ZBTB20: variants seen among roughly 807,000 people sequenced by gnomAD.
ZBTB20 encodes zinc finger and BTB domain containing 20.
A neutral mutation model predicts 56.9 loss-of-function variants in ZBTB20; 9 were observed. The observed-to-expected ratio is 0.16, with a 90% CI of 0.10 to 0.28. ZBTB20 has a LOEUF of 0.28. ZBTB20 is among the 10% of genes least tolerant of loss of function. The pLI, the probability that ZBTB20 is intolerant of heterozygous loss-of-function variation, is 1.00. For missense variants in ZBTB20, 655 were observed against 1,003.0 expected (o/e 0.65, Z 4.69); for synonymous variants, 417 against 420.7 (o/e 0.99, Z 0.11).
Position 114,325,022 on chromosome 3 carries a change from TTTTCTC to T in ZBTB20, c.*13977_*13982del, listed in dbSNP as rs1343664335. On this transcript the variant is annotated 3_prime_UTR_variant, in exon 12 of 12. Coordinates refer to ENST00000675478, the MANE Select transcript of ZBTB20 (RefSeq NM_001348800.3). ...CCTTAAAATATCAAGTTACCATAGA[TTTTCTC>T]TATCATATCAGCTTCTCACCTTTGT... The T allele has an allele frequency of 1.3e-5, 2 of 152,174 alleles. No homozygotes were observed. The highest frequency in any genetic ancestry group is 4.8e-5 in the African/African-American group (2 of 41,450). 9.4% of individuals were successfully genotyped at this position (152,174 alleles called of 1,614,324 possible).
intron 5 of ZBTB20, among the ~76,000 whole-genome samples, chr3:114,781,648 A>G (rs368986943): frequency 6.6e-6 from 1 of 152,178 alleles, no homozygotes; most frequent in Non-Finnish European, 1.5e-5. Flanking sequence ...TGACTCTCAC[A>G]AGATGACATG....
At chr3:114,365,492 T>C (rs537227409) in intron 10 of ZBTB20, among the ~76,000 whole-genome samples, 1 of 152,110 alleles carries the variant, frequency 6.6e-6, no homozygotes, top group Non-Finnish European at 1.5e-5. Flanking sequence ...AAGAGGAGCT[T>C]GGGAACACAG....
At chr3:115,058,750 T>C (rs2081908162) in intron 2 of ZBTB20, among the ~76,000 whole-genome samples, 2 of 152,126 alleles carry the variant, frequency 1.3e-5, no homozygotes. Context: ...CCTTTGATTG[T>C]CCAAGTAATT....
intron 2 of ZBTB20, among the ~76,000 whole-genome samples, chr3:115,066,189 T>C (rs1420773358): frequency 6.6e-6 from 1 of 152,136 alleles, no homozygotes; most frequent in Non-Finnish European, 1.5e-5. Flanking sequence ...ATGAATCTTT[T>C]ATATCTTTCC....
At chr3:115,000,109 G>A (rs1039089777) in intron 2 of ZBTB20, among the ~76,000 whole-genome samples, 1 of 151,336 alleles carries the variant, frequency 6.6e-6, no homozygotes, top group East Asian at 2.0e-4. Flanking sequence ...AGATCCATCT[G>A]GCAATACCAT....
intron 4 of ZBTB20, among the ~76,000 whole-genome samples, chr3:114,852,764 T>A (rs2075065668): frequency 6.6e-6 from 1 of 152,212 alleles, no homozygotes; most frequent in African/African-American, 2.4e-5. Context: ...TCCTTTCTGA[T>A]TAGTTTTCAT....
chr3:114,792,775 C>A (rs993339283), intron 5 of ZBTB20, among the ~76,000 whole-genome samples: 2 of 152,084 alleles, frequency 1.3e-5, no homozygotes, highest in African/African-American at 4.8e-5. Context: ...CCTGGTTTTA[C>A]CAAGGGATTC....
intron 7 of ZBTB20, among the ~76,000 whole-genome samples, chr3:114,477,858 C>T (rs187982294): frequency 4.0e-4 from 59 of 149,030 alleles, no homozygotes; most frequent in African/African-American, 1.4e-3. Context: ...TTTCTTTTCT[C>T]TCTCTCTTCT....
At position 114,329,433 on chromosome 3, in the gene ZBTB20, GA is replaced by G. The variant is rs1235296128; in HGVS notation, c.*9571del. The G allele has an allele frequency of 6.6e-6, 1 of 152,090 alleles. No individual in the cohort carries two copies. The highest frequency in any genetic ancestry group is 2.4e-5 in the African/African-American group (1 of 41,432). 9.4% of individuals were successfully genotyped at this position (152,090 alleles called of 1,614,324 possible). A position where few individuals can be genotyped will look rare whatever the true frequency, so the allele number is the denominator to read the frequency against. ...TTGGGTTGAATAGCTGAGGGAAGCT[GA>G]AGACTCTTATCTGAAAATATGATCT... On this transcript the variant is annotated 3_prime_UTR_variant, in exon 12 of 12. Transcript: ENST00000675478.
At chr3:114,426,573 G>A (rs1040162808) in intron 7 of ZBTB20, among the ~76,000 whole-genome samples, 2 of 152,046 alleles carry the variant, frequency 1.3e-5, no homozygotes, top group South Asian at 2.1e-4. Flanking sequence ...ACAGCAAGTC[G>A]CTTTTGTCTT....
chr3:114,761,911 T>C (rs1261443195), intron 5 of ZBTB20, among the ~76,000 whole-genome samples: 1 of 152,090 alleles, frequency 6.6e-6, no homozygotes, highest in East Asian at 1.9e-4. Context: ...AGAATAGGTG[T>C]AAAATATATG....
At chr3:114,778,494 G>T (rs1483596840) in intron 5 of ZBTB20, among the ~76,000 whole-genome samples, 1 of 151,454 alleles carries the variant, frequency 6.6e-6, no homozygotes, top group Non-Finnish European at 1.5e-5. Context: ...TATTAATAAA[G>T]AACTAAAAAT....
intron 1 of ZBTB20, among the ~76,000 whole-genome samples, chr3:115,145,351 T>C (rs920894637): frequency 2.0e-5 from 3 of 152,240 alleles, no homozygotes; most frequent in African/African-American, 7.2e-5. Context: ...TGACCCTCAG[T>C]ATCCATGGGA....
intron 6 of ZBTB20, among the ~76,000 whole-genome samples, chr3:114,600,693 T>C (rs2056692835): frequency 6.6e-6 from 1 of 151,984 alleles, no homozygotes; most frequent in African/African-American, 2.4e-5. Flanking sequence ...TATTCTACTT[T>C]CTTGGAAACC....
At chr3:114,976,596 A>G (rs1376227171) in intron 2 of ZBTB20, among the ~76,000 whole-genome samples, 1 of 151,770 alleles carries the variant, frequency 6.6e-6, no homozygotes, top group East Asian at 1.9e-4. Flanking sequence ...ACTGCCCTTC[A>G]GCCTGGGTGA....
chr3:114,672,943 C>A (rs537348768), intron 6 of ZBTB20, among the ~76,000 whole-genome samples: 21 of 152,048 alleles, frequency 1.4e-4, no homozygotes, highest in African/African-American at 2.2e-4. Flanking sequence ...CTTATTAGAA[C>A]CTCCATGAGC....
chr3:114,813,843 T>G (rs2072736433), intron 4 of ZBTB20, among the ~76,000 whole-genome samples: 1 of 152,180 alleles, frequency 6.6e-6, no homozygotes. Flanking sequence ...GAATTCACTG[T>G]CATTCAATGA....
chr3:115,019,771 C>T (rs759195630), intron 2 of ZBTB20, among the ~76,000 whole-genome samples: 3 of 151,198 alleles, frequency 2.0e-5, no homozygotes, highest in Non-Finnish European at 3.0e-5. Context: ...AAGTTACAGA[C>T]ATCCAAAACC....
chr3:114,567,258 A>C (rs572276092), intron 6 of ZBTB20, among the ~76,000 whole-genome samples: 4 of 152,224 alleles, frequency 2.6e-5, no homozygotes, highest in Non-Finnish European at 4.4e-5. Flanking sequence ...CTAATGATGG[A>C]CATTTCTAGC....
Sources: allele counts gnomAD v4.1 joint callset (sites outside exome capture counted in the v4.1 genomes callset), GRCh38; gene constraint gnomAD v4.1.1; transcripts MANE v1.5; gene names NCBI Gene and HGNC (gene_info 2026-07-23, HGNC 2026-07-21).